The following PEX5L variants were observed in gnomAD, a reference collection of about 807,000 sequenced individuals.
PEX5L encodes peroxisomal biogenesis factor 5 like, also known as PEX5-related protein.
In PEX5L, 30 loss-of-function variants were observed where a neutral mutation model predicts 84.0. The observed-to-expected ratio is 0.36, with a 90% CI of 0.27 to 0.48. PEX5L has a LOEUF of 0.48. Among genes scored for constraint, PEX5L ranks in the 20% least tolerant of loss-of-function variants. The probability of loss-of-function intolerance (pLI) is 0.99; values close to 1 mark genes in which losing one functional copy is unlikely to be tolerated. For missense variants in PEX5L, 533 were observed against 754.6 expected (o/e 0.71, Z 3.44); for synonymous variants, 270 against 283.1 (o/e 0.95, Z 0.46).
chr3:179,957,151 G>C (rs540321816), intron 2 of PEX5L, among the ~76,000 whole-genome samples: 1 of 33,784 alleles, frequency 3.0e-5, no homozygotes, highest in Non-Finnish European at 7.7e-5. Flanking sequence ...CACCGACTGC[G>C]ACTATAAAAA....
In PEX5L at chr3:180,010,246, C is replaced by CTTTTTTTTTTTTTTTTTTTTTTTTTTT. The variant is rs1178375452; in HGVS notation, c.21+26332_21+26333insAAAAAAAAAAAAAAAAAAAAAAAAAAA. Among the ~76,000 whole-genome samples the CTTTTTTTTTTTTTTTTTTTTTTTTTTT allele has an allele frequency of 1.3e-4, 14 of 105,154 alleles. 1 individual carries two copies. Among genetic ancestry groups the CTTTTTTTTTTTTTTTTTTTTTTTTTTT allele is most frequent in the Non-Finnish European group, 1.7e-4 (9 of 53,946 alleles). The allele number at this position is 105,154 out of a possible 152,430, so 69.0% of individuals were successfully genotyped here. On this transcript the variant is annotated intron_variant, in intron 1 of 14. Transcript: ENST00000467460. ...AGGCGTGAGCCACTGCACCCGGCCT[C>CTTTTTTTTTTTTTTTTTTTTTTTTTTT]TTTTTTTTTTTTTTTTTTTTCTGTA...
intron 8 of PEX5L, among the ~76,000 whole-genome samples, chr3:179,836,351 T>C (rs907380475): frequency 6.6e-6 from 1 of 152,186 alleles, no homozygotes; most frequent in African/African-American, 2.4e-5. Flanking sequence ...ACTGTGCACA[T>C]AATTTTATAA....
At chr3:179,832,929 G>C (rs1002274863) in intron 8 of PEX5L, among the ~76,000 whole-genome samples, 30 of 152,242 alleles carry the variant, frequency 2.0e-4, no homozygotes, top group African/African-American at 7.0e-4. Context: ...ATTTAGCTTT[G>C]TAACTAATCT....
intron 14 of PEX5L, among the ~76,000 whole-genome samples, chr3:179,804,872 A>G (rs1028406013): frequency 1.3e-5 from 2 of 151,984 alleles, no homozygotes; most frequent in African/African-American, 4.8e-5. Context: ...TAATCCCCGC[A>G]CTTTGGGAGG....
At chr3:179,830,294 C>CCCT (rs1553845042) in intron 8 of PEX5L, among the ~76,000 whole-genome samples, 139 of 142,944 alleles carry the variant, frequency 9.7e-4, no homozygotes, top group African/African-American at 3.7e-3. Flanking sequence ...CGCCCCCCCC[C>CCCT]TTTTTTTTAT....
intron 7 of PEX5L, among the ~76,000 whole-genome samples, chr3:179,864,790 A>G (rs142130528): frequency 7.9e-5 from 12 of 152,326 alleles, no homozygotes; most frequent in African/African-American, 2.9e-4. Context: ...TTTACATGAT[A>G]AATATATAAA....
chr3:179,892,715 C>A (rs1280416300), intron 3 of PEX5L, among the ~76,000 whole-genome samples: 1 of 151,994 alleles, frequency 6.6e-6, no homozygotes, highest in African/African-American at 2.4e-5. Context: ...TGTTTGGAGA[C>A]CTACTGATAC....
intron 1 of PEX5L, among the ~76,000 whole-genome samples, chr3:180,021,017 G>A (rs1289627705): frequency 2.0e-5 from 3 of 152,086 alleles, no homozygotes; most frequent in African/African-American, 7.2e-5. Flanking sequence ...CAAGAAGTAG[G>A]GTAAGGGGAG....
chr3:179,961,438 G>A (rs1369162400), intron 2 of PEX5L, among the ~76,000 whole-genome samples: 2 of 152,004 alleles, frequency 1.3e-5, no homozygotes, highest in East Asian at 1.9e-4. Context: ...TAAGAGACAC[G>A]TTCCAGAGGC....
At chr3:180,027,982 C>T (rs1341044227) in intron 1 of PEX5L, among the ~76,000 whole-genome samples, 2 of 152,172 alleles carry the variant, frequency 1.3e-5, no homozygotes, top group Admixed American at 1.3e-4. Flanking sequence ...TTCAGAGCAT[C>T]ATGTCCAGAG....
intron 1 of PEX5L, among the ~76,000 whole-genome samples, chr3:179,993,750 G>A (rs140994659): frequency 0.012 from 1,807 of 152,094 alleles, 38 homozygotes; most frequent in Middle Eastern, 0.11. Flanking sequence ...TGATCTGCCC[G>A]CCTCGACCTC....
intron 2 of PEX5L, among the ~76,000 whole-genome samples, chr3:179,968,725 G>C (rs35959694): frequency 5.9e-5 from 8 of 135,792 alleles, no homozygotes; most frequent in Non-Finnish European, 8.5e-5. Context: ...GTGTGTGTCT[G>C]TGTGTGTCTG....
Position 179,859,540 on chromosome 3 carries a change from G to C in PEX5L, c.727-383C>G, listed in dbSNP as rs551358237. On this transcript the variant is annotated intron_variant, in intron 7 of 14. Transcript: ENST00000467460. ...CATTACAAGTCTAGCTTTAGAAATTGATATTCAAGCTTTCAGCTTGTGAGG... is the reference window on the plus strand; with the variant it reads ...CATTACAAGTCTAGCTTTAGAAATTCATATTCAAGCTTTCAGCTTGTGAGG... Among the ~76,000 whole-genome samples the C allele has an allele frequency of 4.6e-5, 7 of 152,302 alleles. No homozygotes were observed. In the East Asian group the frequency reaches 1.2e-3, roughly 25 times the overall value.
intron 2 of PEX5L, among the ~76,000 whole-genome samples, chr3:179,912,273 CTTCT>C (rs951533594): frequency 1.3e-5 from 2 of 152,058 alleles, no homozygotes; most frequent in African/African-American, 4.8e-5. Context: ...CCTACATTTT[CTTCT>C]TTCTAACTCT....
At chr3:179,961,165 A>G (rs1316331449) in intron 2 of PEX5L, among the ~76,000 whole-genome samples, 1 of 151,296 alleles carries the variant, frequency 6.6e-6, no homozygotes, top group African/African-American at 2.4e-5. Context: ...TGAGGAATAA[A>G]TAACAATTGT....
chr3:179,969,363 C>T (rs1784172835), intron 2 of PEX5L, among the ~76,000 whole-genome samples: 1 of 151,824 alleles, frequency 6.6e-6, no homozygotes. Context: ...TTTTATTATA[C>T]ATATAAAATA....
Position 179,799,440 on chromosome 3 carries a change from C to G in PEX5L, c.*2388G>C, listed in dbSNP as rs1293460522. The G allele has an allele frequency of 1.3e-5, 2 of 152,162 alleles. No homozygotes were observed. Among genetic ancestry groups the G allele is most frequent in the Admixed American group, 6.5e-5 (1 of 15,272 alleles). The allele number at this position is 152,162 out of a possible 1,614,324, so 9.4% of individuals were successfully genotyped here. Reference sequence around the variant, plus strand: ...GATTGTTTAGTCTTCCCTAAAACAGCTCCTTGGAGTTTGTGTTCCAATAGC... The same window carrying G: ...GATTGTTTAGTCTTCCCTAAAACAGGTCCTTGGAGTTTGTGTTCCAATAGC... On this transcript the variant is annotated 3_prime_UTR_variant, in exon 15 of 15. Transcript: ENST00000467460.
intron 14 of PEX5L, among the ~76,000 whole-genome samples, chr3:179,803,867 A>C (rs1720090753): frequency 6.6e-6 from 1 of 152,170 alleles, no homozygotes; most frequent in Admixed American, 6.5e-5. Context: ...AATGGAATGG[A>C]GTAGGTGTTC....
chr3:179,925,636 T>A (rs1771219835), intron 2 of PEX5L, among the ~76,000 whole-genome samples: 1 of 152,262 alleles, frequency 6.6e-6, no homozygotes, highest in Non-Finnish European at 1.5e-5. Flanking sequence ...GAATCATTGC[T>A]GTAACAAATA....
Sources: gnomAD v4.1 joint callset for allele counts (sites outside exome capture counted in the v4.1 genomes callset) on GRCh38, gnomAD v4.1.1 for gene constraint, MANE v1.5 for transcripts, NCBI Gene and HGNC (gene_info 2026-07-23, HGNC 2026-07-21) for gene names.